The following FSTL4 variants were observed in gnomAD, a reference collection of about 807,000 sequenced individuals.
FSTL4 encodes follistatin-related protein 4.
Under a neutral mutation model 78.2 loss-of-function variants are expected in FSTL4, and 28 were observed. The ratio of observed to expected loss-of-function variants is 0.36; its 90% CI spans 0.27 to 0.49. The LOEUF (loss-of-function observed/expected upper bound fraction) is 0.49. Ranked by LOEUF, FSTL4 falls within the 20% of genes least tolerant of loss-of-function variation. The probability of loss-of-function intolerance (pLI) is 0.98; values close to 1 mark genes in which losing one functional copy is unlikely to be tolerated. For missense variants in FSTL4, 922 were observed against 1,084.9 expected (o/e 0.85, Z 2.11); for synonymous variants, 422 against 440.5 (o/e 0.96, Z 0.53).
chr5:133,688,512 A>C, the FSTL4 span, among the ~76,000 whole-genome samples: 7 of 152,252 alleles, frequency 4.6e-5, no homozygotes, highest in Non-Finnish European at 8.8e-5. Flanking sequence ...TGGCATAAAA[A>C]GTTTTGGTGC....
the FSTL4 span, among the ~76,000 whole-genome samples, chr5:133,754,335 C>T: frequency 1.3e-5 from 2 of 152,150 alleles, no homozygotes; most frequent in Non-Finnish European, 2.9e-5. Context: ...TTCCACACTG[C>T]ACACTTTGTT....
chr5:133,732,915 C>T, the FSTL4 span, among the ~76,000 whole-genome samples: 3 of 152,246 alleles, frequency 2.0e-5, no homozygotes, highest in African/African-American at 7.2e-5. Context: ...TGACTTCTCA[C>T]TGTGTGTCAC....
At chr5:133,383,074 C>T (rs1160101976) in intron 4 of FSTL4, among the ~76,000 whole-genome samples, 1 of 152,174 alleles carries the variant, frequency 6.6e-6, no homozygotes, top group Admixed American at 6.5e-5. Flanking sequence ...AATGACCTCT[C>T]CATTGGCATG....
At chr5:133,373,823 G>A (rs1755372251) in intron 4 of FSTL4, among the ~76,000 whole-genome samples, 1 of 152,196 alleles carries the variant, frequency 6.6e-6, no homozygotes, top group Non-Finnish European at 1.5e-5. Flanking sequence ...TCAGGATGAA[G>A]CATCACTTGC....
At chr5:133,538,477 T>C (rs900357461) in intron 3 of FSTL4, among the ~76,000 whole-genome samples, 4 of 152,194 alleles carry the variant, frequency 2.6e-5, no homozygotes, top group East Asian at 1.9e-4. Context: ...AAAAGTAATG[T>C]GTGGAGAAAC....
At chr5:133,296,426 C>A (rs1195910060) in intron 6 of FSTL4, among the ~76,000 whole-genome samples, 1 of 152,150 alleles carries the variant, frequency 6.6e-6, no homozygotes, top group Non-Finnish European at 1.5e-5. Flanking sequence ...GACTTGAAGC[C>A]CTCCAATAAT....
At chr5:133,688,430 GC>G in the FSTL4 span, among the ~76,000 whole-genome samples, 1 of 152,136 alleles carries the variant, frequency 6.6e-6, no homozygotes, top group African/African-American at 2.4e-5. Context: ...ACAAAAGCAA[GC>G]AACAACAACA....
the FSTL4 span, among the ~76,000 whole-genome samples, chr5:133,815,496 G>A: frequency 6.6e-6 from 1 of 152,166 alleles, no homozygotes; most frequent in Non-Finnish European, 1.5e-5. Context: ...CAATGAAACA[G>A]AATGCTCGAA....
intron 4 of FSTL4, among the ~76,000 whole-genome samples, chr5:133,364,516 G>A (rs934622416): frequency 6.6e-6 from 1 of 152,232 alleles, no homozygotes; most frequent in Non-Finnish European, 1.5e-5. Flanking sequence ...TGCTCCTCCT[G>A]CAGGAATCAT....
At chr5:133,450,288 C>T (rs1159532211) in intron 3 of FSTL4, among the ~76,000 whole-genome samples, 1 of 152,200 alleles carries the variant, frequency 6.6e-6, no homozygotes, top group African/African-American at 2.4e-5. Context: ...TTATGGATCT[C>T]CCCAAGAGAA....
At chr5:133,779,573 A>G in the FSTL4 span, among the ~76,000 whole-genome samples, 1 of 151,616 alleles carries the variant, frequency 6.6e-6, no homozygotes, top group Non-Finnish European at 1.5e-5. Context: ...GCGACAGAGC[A>G]AAACTCCATC....
At chr5:133,380,145 A>G (rs10078852) in intron 4 of FSTL4, among the ~76,000 whole-genome samples, 22,781 of 151,982 alleles carry the variant, frequency 0.15, 1,808 homozygotes, top group African/African-American at 0.18. Context: ...AAAGAAGAGC[A>G]AACTAAACCC....
chr5:133,628,106 C>A, the FSTL4 span, among the ~76,000 whole-genome samples: 4 of 152,064 alleles, frequency 2.6e-5, no homozygotes, highest in African/African-American at 9.7e-5. Flanking sequence ...TGGGACACAA[C>A]TAAAGCAGTG....
rs368200109 is a variant in FSTL4 at position 133,409,674 on chromosome 5, C to T, written c.161-8688G>A. Among the ~76,000 whole-genome samples, 7 of 152,362 alleles carry T rather than the reference C, an allele frequency of 4.6e-5. No homozygotes were observed. The South Asian group carries it at 1.5e-3, about 32-fold the overall frequency. ...TCAGGGTTGGGACCAGGCTCCACTT[C>T]ATTCAGAGCTCAGCACCAGGCCTGG... On this transcript the variant is annotated intron_variant, in intron 3 of 15. Transcript: ENST00000265342.
the FSTL4 span, among the ~76,000 whole-genome samples, chr5:133,618,585 T>C: frequency 1.3e-5 from 2 of 152,250 alleles, no homozygotes; most frequent in African/African-American, 4.8e-5. Context: ...CTAAGGTTTA[T>C]TGATTGCTAA....
At chr5:133,544,130 A>C (rs1333208999) in intron 3 of FSTL4, among the ~76,000 whole-genome samples, 1 of 152,162 alleles carries the variant, frequency 6.6e-6, no homozygotes, top group Non-Finnish European at 1.5e-5. Context: ...TCAAGCAATT[A>C]ATACTTAGAT....
the FSTL4 span, among the ~76,000 whole-genome samples, chr5:133,795,376 AAGG>A: frequency 2.6e-5 from 4 of 152,346 alleles, no homozygotes; most frequent in African/African-American, 7.2e-5. Flanking sequence ...TTCACTGTGG[AAGG>A]AGATTTCAAG....
intron 3 of FSTL4, among the ~76,000 whole-genome samples, chr5:133,481,473 C>A (rs1240021445): frequency 7.2e-6 from 1 of 139,176 alleles, no homozygotes; most frequent in Non-Finnish European, 1.5e-5. Flanking sequence ...GCCTGGGAAG[C>A]AGAGGTTGCA....
chr5:133,238,518 C>T (rs1751729697), intron 7 of FSTL4, among the ~76,000 whole-genome samples: 1 of 152,208 alleles, frequency 6.6e-6, no homozygotes, highest in South Asian at 2.1e-4. Flanking sequence ...AAGCCAGGAC[C>T]ACATGCACAT....
Sources: allele counts gnomAD v4.1 joint callset (sites outside exome capture counted in the v4.1 genomes callset), GRCh38; gene constraint gnomAD v4.1.1; transcripts MANE v1.5; gene names NCBI Gene and HGNC (gene_info 2026-07-23, HGNC 2026-07-21).